NAV1: variants seen among roughly 807,000 people sequenced by gnomAD.
NAV1 encodes the protein neuron navigator 1.
In NAV1, 18 loss-of-function variants were observed where a neutral mutation model predicts 175.2. The ratio of observed to expected loss-of-function variants is 0.10; its 90% CI spans 0.07 to 0.15. The LOEUF is 0.15. Among genes scored for constraint, NAV1 ranks in the 10% least tolerant of loss-of-function variants. NAV1 has a pLI of 1.00. For synonymous variants in NAV1, 897 were observed against 978.7 expected, an observed-to-expected ratio of 0.92 and a Z score of 1.56; for missense variants, 1,731 against 2,436.6, an observed-to-expected ratio of 0.71 and a Z score of 6.10.
chr1:201,760,994 G>A (rs1674800727), intron 3 of NAV1, among the ~76,000 whole-genome samples: 1 of 152,148 alleles, frequency 6.6e-6, no homozygotes, highest in African/African-American at 2.4e-5. Flanking sequence ...CCTTTCTGAT[G>A]TTCCCTTTTG....
chr1:201,669,117 T>C (rs1363279092), intron 1 of NAV1, among the ~76,000 whole-genome samples: 1 of 152,208 alleles, frequency 6.6e-6, no homozygotes, highest in Non-Finnish European at 1.5e-5. Context: ...TCAACACCTG[T>C]CGGGTATCTA....
rs181146813 is a variant in NAV1 at position 201,750,057 on chromosome 1, A to G, written c.1227-30364A>G. 3.3e-5 allele frequency among the ~76,000 whole-genome samples: 5 copies of G among 152,360 alleles called. No individual in the cohort carries two copies. In the East Asian group the frequency reaches 7.7e-4, roughly 23 times the overall value. On this transcript the variant is annotated intron_variant, in intron 3 of 29. Transcript: ENST00000367296. This position sits in a 1 kb window ranked among gnomAD's most constrained non-coding sequence, Gnocchi z 4.1. ...GCTCCACCTTAAAGAAACTGACATT[A>G]GACTTGATAATGCACTGTAGGTATG...
chr1:201,574,803 C>T (rs1666647386), intron 1 of NAV1, among the ~76,000 whole-genome samples: 1 of 152,208 alleles, frequency 6.6e-6, no homozygotes, highest in Non-Finnish European at 1.5e-5. Context: ...TGTTTATCCT[C>T]TGCACAGACA....
intron 2 of NAV1, among the ~76,000 whole-genome samples, chr1:201,714,058 G>A (rs1041043344): frequency 6.6e-6 from 1 of 152,156 alleles, no homozygotes; most frequent in African/African-American, 2.4e-5. Context: ...TTACAGCTGT[G>A]TGCCATCACG....
chr1:201,559,714 A>T (rs570205710), intron 1 of NAV1, among the ~76,000 whole-genome samples: 2 of 152,304 alleles, frequency 1.3e-5, no homozygotes, highest in South Asian at 4.1e-4. Flanking sequence ...TTTGGACAGA[A>T]CCCCGTGCCA....
chr1:201,753,981 A>G (rs1674297335), intron 3 of NAV1, among the ~76,000 whole-genome samples: 1 of 152,190 alleles, frequency 6.6e-6, no homozygotes, highest in Non-Finnish European at 1.5e-5. Flanking sequence ...AAGTGAAGGA[A>G]AGCTGGAATC....
chr1:201,669,646 G>A (rs1046136834), intron 1 of NAV1, among the ~76,000 whole-genome samples: 21 of 152,240 alleles, frequency 1.4e-4, no homozygotes, highest in Non-Finnish European at 2.6e-4. Flanking sequence ...TGTGGGGAGA[G>A]TAAGTGAGAG....
chr1:201,699,077 A>C (rs1671304970), intron 1 of NAV1, among the ~76,000 whole-genome samples: 1 of 152,234 alleles, frequency 6.6e-6, no homozygotes, highest in Admixed American at 6.5e-5. Context: ...ATAGTGTTGG[A>C]AGTTCTGGCC....
At chr1:201,574,687 CT>C in intron 1 of NAV1, among the ~76,000 whole-genome samples, 1 of 152,362 alleles carries the variant, frequency 6.6e-6, no homozygotes, top group East Asian at 1.9e-4. Flanking sequence ...CACAAGAAGC[CT>C]GCTCAGATCA....
chr1:201,727,676 G>C (rs1220866392), intron 3 of NAV1, among the ~76,000 whole-genome samples: 2 of 152,204 alleles, frequency 1.3e-5, no homozygotes, highest in East Asian at 3.8e-4. Flanking sequence ...TGACAGGAGT[G>C]GGAAAGTGAG....
At chr1:201,781,373 A>G in intron 5 of NAV1, 64 bp downstream of exon 9, 1 of 1,453,522 alleles carries the variant, frequency 6.9e-7, no homozygotes, top group Non-Finnish European at 9.2e-7. Context: ...TCCTCTTCTT[A>G]GTGGTCATTA....
Position 201,648,748 on chromosome 1 carries a change from C to T in NAV1, c.80C>T (p.Pro27Leu), listed in dbSNP as rs999252747. 3.6e-6 allele frequency: 5 copies of T among 1,404,372 alleles called. No homozygotes were observed. In the East Asian group the frequency reaches 9.1e-5, roughly 26 times the overall value. 87.0% of individuals were successfully genotyped at this position (1,404,372 alleles called of 1,614,324 possible). A position where few individuals can be genotyped will look rare whatever the true frequency, so the allele number is the denominator to read the frequency against. ...GGCGGCGACGAGGGCGCGGACGAAC[C>T]GCGGGGCGCCGGCAGGAAGGCGGCA... The change falls in exon 1 of 30, where the codon CCG (proline) becomes CTG (leucine). Residue 27 changes from proline (P) to leucine (L), a missense_variant. By Grantham distance (98) the Pro-to-Leu change is moderately conservative. This residue lies in a region of NAV1 where 487 missense variants were observed against 581.3 expected (regional missense o/e 0.84). Transcript: ENST00000367296.
rs1192867205 is a variant in NAV1 at position 201,718,724 on chromosome 1, A to G, written c.1195A>G (p.Thr399Ala). Residue 399 changes from threonine (T) to alanine (A), a missense_variant, in exon 3 of 30, where the codon ACC becomes GCC. Thr to Ala is a moderately conservative substitution (Grantham distance 58). Coordinates refer to ENST00000367296, the Ensembl canonical transcript of NAV1. This position sits in a 1 kb window ranked among gnomAD's most constrained non-coding sequence, Gnocchi z 4.8. ...GAGCGACAGTGACCTCATGGGCAAGACCATGACGGAGGATGATGACATCAC... is the reference window on the plus strand; with the variant it reads ...GAGCGACAGTGACCTCATGGGCAAGGCCATGACGGAGGATGATGACATCAC... The G allele has an allele frequency of 1.9e-6, 3 of 1,612,730 alleles. No individual in the cohort carries two copies. Among genetic ancestry groups the G allele is most frequent in the Middle Eastern group, 1.7e-4 (1 of 6,046 alleles).
intron 1 of NAV1, among the ~76,000 whole-genome samples, chr1:201,693,014 G>T (rs557288420): frequency 2.1e-3 from 317 of 152,338 alleles, no homozygotes; most frequent in Middle Eastern, 0.014. Context: ...GGCAAATGGA[G>T]ACATGAGGCT....
intron 2 of NAV1, among the ~76,000 whole-genome samples, chr1:201,604,613 C>T (rs541020155): frequency 2.0e-5 from 3 of 146,422 alleles, no homozygotes; most frequent in Non-Finnish European, 3.0e-5. Context: ...ACCTGGGAGG[C>T]GGAGGTTGCA....
At position 201,782,399 on chromosome 1, in the gene NAV1, C is replaced by T. The variant is rs369529424; in HGVS notation, c.1887C>T (p.Ser629=). The T allele has an allele frequency of 1.2e-6, 2 of 1,614,002 alleles. No homozygotes were observed. Among genetic ancestry groups the T allele is most frequent in the African/African-American group, 2.7e-5 (2 of 74,934 alleles). Residue 629 remains serine, a synonymous_variant, in exon 6 of 30, where the codon AGC becomes AGT. Transcript: ENST00000367296. This position sits in a 1 kb window ranked among gnomAD's most constrained non-coding sequence, Gnocchi z 5.4. ...AAACTGGTGGTTCAGCCACTCTCAGCAAGATCCAGAAGTCCTCAGGCATCC... is the reference window on the plus strand; with the variant it reads ...AAACTGGTGGTTCAGCCACTCTCAGTAAGATCCAGAAGTCCTCAGGCATCC...
chr1:201,733,511 A>G (rs894183656), intron 3 of NAV1: 3 of 152,138 alleles, frequency 2.0e-5, no homozygotes, highest in Non-Finnish European at 4.4e-5. Context: ...TTTAAAATAT[A>G]TATATTAAAT....
chr1:201,572,066 C>T (rs1048090067), intron 1 of NAV1, among the ~76,000 whole-genome samples: 4 of 152,172 alleles, frequency 2.6e-5, no homozygotes, highest in Non-Finnish European at 5.9e-5. Context: ...GACAAAAGGT[C>T]CTATATGAGA....
rs532738759 is a variant in NAV1 at position 201,812,660 on chromosome 1, C to T, written c.5220C>T (p.Ile1740=). ...AGCACAGCACCTCAGACTTCCTCAT[C>T]GGTACTGGGGTCCAGCTTCCCCCGG... The change falls in exon 27 of 30, where the codon ATC becomes ATT. Residue 1740 remains isoleucine, a splice_region_variant and synonymous_variant. Coordinates refer to ENST00000367296, the Ensembl canonical transcript of NAV1. This position sits in a 1 kb window ranked among gnomAD's most constrained non-coding sequence, Gnocchi z 4.6. The T allele has an allele frequency of 1.2e-6, 2 of 1,613,070 alleles. No individual in the cohort carries two copies. The highest frequency in any genetic ancestry group is 2.2e-5 in the East Asian group (1 of 44,874).
Sources: allele counts gnomAD v4.1 joint callset (sites outside exome capture counted in the v4.1 genomes callset), GRCh38; gene constraint gnomAD v4.1.1; regional missense constraint gnomAD v4.1.1; non-coding constraint Gnocchi (gnomAD v3.1); transcripts MANE v1.5; gene names NCBI Gene and HGNC (gene_info 2026-07-23, HGNC 2026-07-21).